RAP1GAP: variants seen among roughly 807,000 people sequenced by gnomAD.
The protein encoded by RAP1GAP is rap1 GTPase-activating protein 1.
In RAP1GAP, 35 loss-of-function variants were observed where a neutral mutation model predicts 87.2. The observed-to-expected ratio is 0.40, with a 90% CI of 0.31 to 0.53. The LOEUF is 0.53. Ranked by LOEUF, RAP1GAP falls within the 20% of genes least tolerant of loss-of-function variation. RAP1GAP has a pLI of 0.48. For synonymous variants in RAP1GAP, 375 were observed against 363.9 expected (o/e 1.03, Z -0.35); for missense variants, 734 against 898.9 (o/e 0.82, Z 2.35).
rs564440150 is a variant in RAP1GAP, at chr1:21,613,727, G to A, written c.396-21C>T. 4.3e-5 allele frequency: 68 copies of A among 1,594,552 alleles called. No homozygotes were observed. Among genetic ancestry groups the A allele is most frequent in the African/African-American group, 1.2e-4 (9 of 74,586 alleles). On this transcript the variant is annotated intron_variant, in intron 8 of 24. Transcript: ENST00000374765. This position sits in a 1 kb window ranked among gnomAD's most constrained non-coding sequence, Gnocchi z 4.7. ...TGGTCCTGAGAAGAGAAAGTCACAC[G>A]ATGAAGGCCTGGGCAGCAGGACAGG...
intron 12 of RAP1GAP, 60 bp from the exon 13 acceptor site, chr1:21,611,641 GC>G: frequency 1.2e-6 from 2 of 1,613,678 alleles, no homozygotes; most frequent in East Asian, 4.5e-5. Context: ...CCTCCATGGG[GC>G]CAGGACAGGG....
intron 3 of RAP1GAP, 105 bp from the exon 4 acceptor site, chr1:21,620,155 C>G: frequency 2.5e-6 from 3 of 1,213,806 alleles, no homozygotes; most frequent in East Asian, 2.4e-5. Flanking sequence ...GATCAGTGAC[C>G]GAGGCACCTG....
intron 1 of RAP1GAP, among the ~76,000 whole-genome samples, chr1:21,653,489 A>C (rs913917434): frequency 6.6e-6 from 1 of 151,982 alleles, no homozygotes; most frequent in East Asian, 1.9e-4. Flanking sequence ...ACACCAGGGC[A>C]GGCTCCTGAG....
At chr1:21,659,916 G>T (rs368423909) in intron 1 of RAP1GAP, among the ~76,000 whole-genome samples, 52 of 152,256 alleles carry the variant, frequency 3.4e-4, no homozygotes, top group African/African-American at 1.1e-3. Context: ...CTTGCCTAAG[G>T]ATCAGTGGAT....
Position 21,653,590 on chromosome 1 carries a change from T to TCCTC in RAP1GAP, c.-148-3798_-148-3795dup, listed in dbSNP as rs796131778. On this transcript the variant is annotated intron_variant, in intron 1 of 24. Coordinates refer to ENST00000374765, the MANE Select transcript of RAP1GAP (RefSeq NM_002885.4). The stretch of plus-strand genomic sequence containing the variant: ...TTCCTTCCTTCCTTCCTTCCTTCCT[T>TCCTC]CCTCCCTCCCTCCCTCCCTCCTTCC... 8.2e-3 allele frequency among the ~76,000 whole-genome samples: 763 copies of TCCTC among 93,006 alleles called. 7 individuals carry two copies. Among genetic ancestry groups the TCCTC allele is most frequent in the African/African-American group, 0.025 (590 of 23,922 alleles). 61.0% of individuals were successfully genotyped at this position (93,006 alleles called of 152,430 possible).
chr1:21,635,404 A>T (rs1286031125), intron 2 of RAP1GAP, among the ~76,000 whole-genome samples: 1 of 152,082 alleles, frequency 6.6e-6, no homozygotes, highest in Non-Finnish European at 1.5e-5. Context: ...CTGCTCAGTC[A>T]TTCATTCAGA....
At position 21,613,828 on chromosome 1, in the gene RAP1GAP, G is replaced by A. The variant is rs1353297886; in HGVS notation, c.396-122C>T. On this transcript the variant is annotated intron_variant, in intron 8 of 24. Coordinates refer to ENST00000374765, the MANE Select transcript of RAP1GAP (RefSeq NM_002885.4). This position sits in a 1 kb window ranked among gnomAD's most constrained non-coding sequence, Gnocchi z 4.7. ...CAGCGAGGACCAGAGGTGATGATGG[G>A]TGTCAGGCTGACTCGGGTACTAACT... 3.4e-6 allele frequency: 4 copies of A among 1,167,062 alleles called. No homozygotes were observed. The highest frequency in any genetic ancestry group is 5.1e-6 in the Non-Finnish European group (4 of 791,678). 72.3% of individuals were successfully genotyped at this position (1,167,062 alleles called of 1,614,324 possible).
At chr1:21,612,706 C>A (rs1214663669) in intron 10 of RAP1GAP, among the ~76,000 whole-genome samples, 1 of 152,176 alleles carries the variant, frequency 6.6e-6, no homozygotes, top group Non-Finnish European at 1.5e-5. Context: ...GTGCCCCTGG[C>A]TCATCCAAGG....
intron 1 of RAP1GAP, chr1:21,651,372 C>G (rs761963291): frequency 7.8e-6 from 4 of 511,404 alleles, no homozygotes; most frequent in Non-Finnish European, 1.2e-5. Context: ...CCTGACCTGC[C>G]TGCCCCTACT....
In RAP1GAP at chr1:21,609,551, C is replaced by T. The variant is rs1480720669; in HGVS notation, c.1071+24G>A. The T allele has an allele frequency of 7.0e-7, 1 of 1,433,658 alleles. No individual in the cohort carries two copies. The highest frequency in any genetic ancestry group is 2.0e-5 in the Admixed American group (1 of 48,880). The allele number at this position is 1,433,658 out of a possible 1,614,324, so 88.8% of individuals were successfully genotyped here. On this transcript the variant is annotated intron_variant, in intron 15 of 24. Transcript: ENST00000374765. This position sits in a 1 kb window ranked among gnomAD's most constrained non-coding sequence, Gnocchi z 4.4. ...CCCCACCCATTTGTCCTGCTCTGCC[C>T]ATGACTGGGGGGGTGCCCCTCACCT...
Position 21,613,195 on chromosome 1 carries a change from T to C in RAP1GAP, c.509A>G (p.Tyr170Cys), listed in dbSNP as rs2079564295. The change falls in exon 10 of 25, where the codon TAT becomes TGT. Residue 170 changes from tyrosine (Y) to cysteine (C), a missense_variant. Physicochemically the swap from Tyr to Cys is radical, Grantham distance 194. Transcript: ENST00000374765. This position sits in a 1 kb window ranked among gnomAD's most constrained non-coding sequence, Gnocchi z 4.7. ...CCATACCTTGGGGTAGAGCACAGGA[T>C]AGAACCGATCCACATTGACGTCTTC... ...VCEDVNVDRF[Y>C]PVLYPKASRL... is the part of the protein sequence containing the mutation. 17 of 1,562,564 alleles carry C rather than the reference T, an allele frequency of 1.1e-5. No homozygotes were observed. Among genetic ancestry groups the C allele is most frequent in the Non-Finnish European group, 1.4e-5 (16 of 1,133,352 alleles).
At position 21,597,722 on chromosome 1, in the gene RAP1GAP, A is replaced by G. The variant is rs1232280395; in HGVS notation, c.1990T>C (p.Ter664GlnextTer6). 1.2e-6 allele frequency: 2 copies of G among 1,613,364 alleles called. No individual in the cohort carries two copies. The highest frequency in any genetic ancestry group is 1.7e-5 in the Admixed American group (1 of 59,962). ...SEQHMPQLGC* is the reference protein window; with the variant it reads ...SEQHMPQLGCQ Reference sequence around the variant, plus strand: ...CACCTTCAGAGGGGGTGGCCCGGCTAACAGCCCTGCAGACAGACAGTGGTG... The same window carrying G: ...CACCTTCAGAGGGGGTGGCCCGGCTGACAGCCCTGCAGACAGACAGTGGTG... Residue 664 changes from the stop codon to glutamine, a stop_lost, in exon 24 of 25, where the codon TAG becomes CAG. Coordinates refer to ENST00000374765, the MANE Select transcript of RAP1GAP (RefSeq NM_002885.4).
At chr1:21,640,360 G>A (rs1488501062) in intron 2 of RAP1GAP, among the ~76,000 whole-genome samples, 1 of 152,182 alleles carries the variant, frequency 6.6e-6, no homozygotes, top group Non-Finnish European at 1.5e-5. Flanking sequence ...ATTTCATGGT[G>A]TGACCATTAA....
intron 2 of RAP1GAP, among the ~76,000 whole-genome samples, chr1:21,628,122 GAAT>G (rs1399712271): frequency 1.3e-5 from 2 of 152,306 alleles, no homozygotes; most frequent in East Asian, 3.9e-4. Context: ...CTGAATGAAT[GAAT>G]GAAGGTTGGG....
chr1:21,662,952 A>G (rs72660358), intron 1 of RAP1GAP, among the ~76,000 whole-genome samples: 13,440 of 152,110 alleles, frequency 0.088, 715 homozygotes, highest in East Asian at 0.25. Context: ...CCTGCATCCA[A>G]TTGCTCAGGC....
In RAP1GAP at chr1:21,603,370, T is replaced by TC; in HGVS notation, c.1429-458dup. On this transcript the variant is annotated intron_variant, in intron 18 of 24. Transcript: ENST00000374765. This position sits in a 1 kb window ranked among gnomAD's most constrained non-coding sequence, Gnocchi z 6.0. ...GGTTCTGGCCCAGCAGCTGGAAGACTCCCCCAGCTTCCCACACACTGTGCT... is the reference window on the plus strand; with the variant it reads ...GGTTCTGGCCCAGCAGCTGGAAGACTCCCCCCAGCTTCCCACACACTGTGCT... 1 of 439,690 alleles carries TC rather than the reference T, an allele frequency of 2.3e-6. No individual in the cohort carries two copies. Among genetic ancestry groups the TC allele is most frequent in the Non-Finnish European group, 4.1e-6 (1 of 246,778 alleles). 27.2% of individuals were successfully genotyped at this position (439,690 alleles called of 1,614,324 possible). A position where few individuals can be genotyped will look rare whatever the true frequency, so the allele number is the denominator to read the frequency against.
intron 17 of RAP1GAP, among the ~76,000 whole-genome samples, chr1:21,607,299 T>C (rs1305443324): frequency 6.6e-6 from 1 of 152,186 alleles, no homozygotes; most frequent in Non-Finnish European, 1.5e-5. Context: ...AGGTTTTGCA[T>C]TTTGCTTTTA....
chr1:21,628,112 C>A (rs2092798374), intron 2 of RAP1GAP, among the ~76,000 whole-genome samples: 2 of 152,118 alleles, frequency 1.3e-5, no homozygotes, highest in African/African-American at 4.8e-5. Flanking sequence ...TGTTGAATGA[C>A]TGAATGAATG....
chr1:21,665,330 C>G, intron 1 of RAP1GAP: 1 of 477,784 alleles, frequency 2.1e-6, no homozygotes, highest in South Asian at 1.5e-5. Context: ...GTAGAGTGGG[C>G]AAGTCACTTT....
Sources: allele counts gnomAD v4.1 joint callset (sites outside exome capture counted in the v4.1 genomes callset), GRCh38; gene constraint gnomAD v4.1.1; non-coding constraint Gnocchi (gnomAD v3.1); transcripts MANE v1.5; gene names NCBI Gene and HGNC (gene_info 2026-07-23, HGNC 2026-07-21).